SYN2: variants seen among roughly 807,000 people sequenced by gnomAD.
SYN2 encodes the protein synapsin-2.
SYN2 carries 19 observed loss-of-function variants against 50.9 expected under a neutral mutation model. The observed-to-expected ratio is 0.37, with a 90% CI of 0.26 to 0.55. SYN2 has a LOEUF of 0.55. SYN2 is among the 20% of genes least tolerant of loss of function. The probability of loss-of-function intolerance (pLI) is 0.81; values close to 1 mark genes in which losing one functional copy is unlikely to be tolerated. For synonymous variants in SYN2, 255 were observed against 224.9 expected, an observed-to-expected ratio of 1.13 and a Z score of -1.20; for missense variants, 587 against 576.4, an observed-to-expected ratio of 1.02 and a Z score of -0.19.
At chr3:12,070,689 G>A (rs1401221900) in intron 1 of SYN2, 1 of 1,123,598 alleles carries the variant, frequency 8.9e-7, no homozygotes, top group African/African-American at 1.6e-5. Context: ...CACTGGCATT[G>A]TTAATGGACC....
At chr3:12,158,853 C>A (rs868804622) in intron 5 of SYN2, 1 of 1,558,866 alleles carries the variant, frequency 6.4e-7, no homozygotes. Flanking sequence ...CACTGCAGAT[C>A]CGCGACTGAG....
At chr3:12,025,253 T>G (rs1694232133) in intron 1 of SYN2, among the ~76,000 whole-genome samples, 1 of 152,200 alleles carries the variant, frequency 6.6e-6, no homozygotes, top group Non-Finnish European at 1.5e-5. Context: ...CAATGGGGGA[T>G]TAGGGCTTTA....
At position 12,072,087 on chromosome 3, in the gene SYN2, TA is replaced by T. The variant is rs909657206; in HGVS notation, c.377+67168del. On this transcript the variant is annotated intron_variant, in intron 1 of 12. Coordinates refer to ENST00000621198, the MANE Select transcript of SYN2 (RefSeq NM_133625.6). ...TAAGGAAAAATAAAAATGCTGCCGT[TA>T]AAAAAAAACAAAAACCTTTTTATGT... Among the ~76,000 whole-genome samples, 23 of 150,586 alleles carry T rather than the reference TA, an allele frequency of 1.5e-4. No homozygotes were observed. The South Asian group carries it at 3.6e-3, about 23-fold the overall frequency.
At chr3:12,157,077 G>T in intron 5 of SYN2, 2 of 645,796 alleles carry the variant, frequency 3.1e-6, no homozygotes, top group Non-Finnish European at 2.7e-6. Flanking sequence ...GTCCCTACTG[G>T]GTTATTTTCT....
rs1698279863 is a variant in SYN2, at chr3:12,183,839, C to T, written c.1369+467C>T. 1.3e-5 allele frequency: 13 copies of T among 1,030,208 alleles called. No homozygotes were observed. In the South Asian group the frequency reaches 4.6e-4, roughly 37 times the overall value. The allele number at this position is 1,030,208 out of a possible 1,614,324, so 63.8% of individuals were successfully genotyped here. On this transcript the variant is annotated intron_variant, in intron 11 of 12. Transcript: ENST00000621198. The stretch of plus-strand genomic sequence containing the variant: ...CGAAAACCACAAAAAGAAAACCCAA[C>T]TCCTCTCCTCCCCCCAAGCTCAGTT...
chr3:12,101,519 G>A (rs1696075762), intron 1 of SYN2, among the ~76,000 whole-genome samples: 1 of 152,104 alleles, frequency 6.6e-6, no homozygotes, highest in African/African-American at 2.4e-5. Flanking sequence ...TGGGCACTTG[G>A]TTTCTATTTG....
At chr3:12,183,193 C>T (rs1481273783) in intron 10 of SYN2, 119 bp from the exon 11 acceptor site, 2 of 1,378,700 alleles carry the variant, frequency 1.5e-6, no homozygotes, top group Non-Finnish European at 1.9e-6. Context: ...CCAGATCCCA[C>T]TGGATCCCAC....
At chr3:12,056,440 G>A (rs1694991314) in intron 1 of SYN2, among the ~76,000 whole-genome samples, 1 of 151,284 alleles carries the variant, frequency 6.6e-6, no homozygotes. Flanking sequence ...TTTTGATGTG[G>A]CTTTCTGTAT....
intron 1 of SYN2, among the ~76,000 whole-genome samples, chr3:12,089,751 AG>A (rs1166827755): frequency 7.2e-5 from 11 of 152,156 alleles, no homozygotes. Flanking sequence ...GGCATTGTCT[AG>A]GGGGAGTCAA....
intron 7 of SYN2, among the ~76,000 whole-genome samples, chr3:12,164,006 C>T (rs533433418): frequency 2.3e-4 from 35 of 152,128 alleles, no homozygotes; most frequent in South Asian, 6.2e-4. Flanking sequence ...CCTGGGAGAT[C>T]GGGCTGCAGT....
At chr3:12,046,435 G>A (rs1279243377) in intron 1 of SYN2, among the ~76,000 whole-genome samples, 2 of 152,186 alleles carry the variant, frequency 1.3e-5, no homozygotes, top group Non-Finnish European at 2.9e-5. Flanking sequence ...TGTGAGATGA[G>A]GCTAGAGTAA....
At chr3:12,104,165 C>T (rs1267884064) in intron 1 of SYN2, among the ~76,000 whole-genome samples, 1 of 152,088 alleles carries the variant, frequency 6.6e-6, no homozygotes, top group Admixed American at 6.6e-5. Flanking sequence ...CAGAGTCTTA[C>T]ACCATCACCC....
intron 1 of SYN2, among the ~76,000 whole-genome samples, chr3:12,049,937 C>A (rs539575144): frequency 1.3e-5 from 2 of 152,164 alleles, no homozygotes; most frequent in South Asian, 2.1e-4. Flanking sequence ...TGTTTGTTTT[C>A]TTTTTGTTTT....
chr3:12,092,930 T>C (rs1695859769), intron 1 of SYN2, among the ~76,000 whole-genome samples: 1 of 152,298 alleles, frequency 6.6e-6, no homozygotes, highest in Non-Finnish European at 1.5e-5. Context: ...TTTCCCTTTT[T>C]CCCCATTTTC....
intron 1 of SYN2, among the ~76,000 whole-genome samples, chr3:12,022,436 T>G (rs1020711623): frequency 6.6e-6 from 1 of 151,928 alleles, no homozygotes; most frequent in East Asian, 1.9e-4. Flanking sequence ...TGAGACGGAG[T>G]CTTGCTCTTT....
chr3:12,089,041 A>C (rs1339316042), intron 1 of SYN2, among the ~76,000 whole-genome samples: 1 of 152,238 alleles, frequency 6.6e-6, no homozygotes, highest in Non-Finnish European at 1.5e-5. Flanking sequence ...TCACCACAAA[A>C]AACAATAGGT....
chr3:12,166,061 C>T (rs185924175), intron 7 of SYN2, among the ~76,000 whole-genome samples: 3 of 152,276 alleles, frequency 2.0e-5, no homozygotes, highest in African/African-American at 4.8e-5. Context: ...TGAGGAGGCA[C>T]CTTAGAAAGC....
rs559924730 is a variant in SYN2, at chr3:12,070,684, G to A, written c.377+65756G>A. ...CTCTATGCCTCTGGATGCACCACTG[G>A]CATTGTTAATGGACCCTGGAGATGG... is the stretch of plus-strand genomic sequence containing the variant. On this transcript the variant is annotated intron_variant, in intron 1 of 12. Coordinates refer to ENST00000621198, the MANE Select transcript of SYN2 (RefSeq NM_133625.6). 5.7e-4 allele frequency: 669 copies of A among 1,173,944 alleles called. 1 individual carries two copies. The African/African-American group carries it at 6.1e-3, about 11-fold the overall frequency. 72.7% of individuals were successfully genotyped at this position (1,173,944 alleles called of 1,614,324 possible).
chr3:12,135,504 C>T (rs1696878356), intron 1 of SYN2, among the ~76,000 whole-genome samples: 1 of 152,150 alleles, frequency 6.6e-6, no homozygotes, highest in Non-Finnish European at 1.5e-5. Context: ...CCCTAAATGC[C>T]TTCTGGAGTA....
Sources: allele counts gnomAD v4.1 joint callset (sites outside exome capture counted in the v4.1 genomes callset), GRCh38; gene constraint gnomAD v4.1.1; transcripts MANE v1.5; gene names NCBI Gene and HGNC (gene_info 2026-07-23, HGNC 2026-07-21).